The following CPA6 variants were observed in gnomAD, a reference collection of about 807,000 sequenced individuals.
The protein encoded by CPA6 is carboxypeptidase A6.
In CPA6, 58 loss-of-function variants were observed where a neutral mutation model predicts 63.3. The ratio of observed to expected loss-of-function variants is 0.92; its 90% CI spans 0.74 to 1.14. The LOEUF (loss-of-function observed/expected upper bound fraction) is 1.14. Among genes scored for constraint, CPA6 ranks in the 50% most tolerant of loss-of-function variants. CPA6 has a pLI of 0.00. For missense variants in CPA6, 565 were observed against 526.6 expected (o/e 1.07, Z -0.71); for synonymous variants, 185 against 179.0 (o/e 1.03, Z -0.27).
intron 8 of CPA6, among the ~76,000 whole-genome samples, chr8:67,437,558 G>T (rs1477818005): frequency 2.0e-5 from 3 of 152,172 alleles, no homozygotes; most frequent in Non-Finnish European, 4.4e-5. Context: ...ATGAGCCAGA[G>T]AAAACAAGAA....
intron 2 of CPA6, among the ~76,000 whole-genome samples, chr8:67,584,335 C>T (rs949346595): frequency 1.2e-4 from 18 of 152,088 alleles, no homozygotes; most frequent in African/African-American, 4.1e-4. Flanking sequence ...AATAGCCCTC[C>T]TATTCTTTGG....
chr8:67,454,875 A>G (rs1412610462), intron 8 of CPA6, among the ~76,000 whole-genome samples: 1 of 152,182 alleles, frequency 6.6e-6, no homozygotes, highest in East Asian at 1.9e-4. Context: ...CAAGACATGC[A>G]CACATGAGAA....
At chr8:67,493,677 T>C (rs977268793) in intron 6 of CPA6, among the ~76,000 whole-genome samples, 4 of 152,214 alleles carry the variant, frequency 2.6e-5, no homozygotes, top group African/African-American at 9.6e-5. Context: ...GGTTTTCCAA[T>C]AATCAAACTG....
chr8:67,667,772 G>A (rs1563384886), intron 1 of CPA6, among the ~76,000 whole-genome samples: 1 of 152,206 alleles, frequency 6.6e-6, no homozygotes, highest in Non-Finnish European at 1.5e-5. Context: ...ATGTGGCACA[G>A]TATAGAATAG....
rs187700778 is a variant in CPA6 at position 67,507,029 on chromosome 8, C to T, written c.535-141G>A. 7 of 570,698 alleles carry T rather than the reference C, an allele frequency of 1.2e-5. No individual in the cohort carries two copies. The East Asian group carries it at 1.7e-4, about 13-fold the overall frequency. The allele number at this position is 570,698 out of a possible 1,614,324, so 35.4% of individuals were successfully genotyped here. ...TAAAAAGGACAAAGGGAGTTCCTATCTATCTCGAAAGTCCAGGCTTCTTTA... is the reference window on the plus strand; with the variant it reads ...TAAAAAGGACAAAGGGAGTTCCTATTTATCTCGAAAGTCCAGGCTTCTTTA... On this transcript the variant is annotated intron_variant, in intron 5 of 10. Coordinates refer to ENST00000297770, the MANE Select transcript of CPA6 (RefSeq NM_020361.5).
At chr8:67,725,674 C>G (rs1817584053) in intron 1 of CPA6, among the ~76,000 whole-genome samples, 1 of 152,118 alleles carries the variant, frequency 6.6e-6, no homozygotes, top group South Asian at 2.1e-4. Flanking sequence ...ACTTGTGCCA[C>G]TGTGCCTGGG....
chr8:67,611,455 A>G (rs1348913781), intron 2 of CPA6, among the ~76,000 whole-genome samples: 3 of 152,104 alleles, frequency 2.0e-5, no homozygotes, highest in Non-Finnish European at 4.4e-5. Flanking sequence ...ACCTTATTTT[A>G]TCTTGTTAAT....
intron 2 of CPA6, among the ~76,000 whole-genome samples, chr8:67,525,873 G>T (rs1812351231): frequency 6.6e-6 from 1 of 152,206 alleles, no homozygotes; most frequent in African/African-American, 2.4e-5. Flanking sequence ...ACCCGCAAAA[G>T]CAGAGGGGTG....
intron 1 of CPA6, among the ~76,000 whole-genome samples, chr8:67,684,001 GTATATATATA>G (rs3056573): frequency 8.9e-4 from 104 of 116,974 alleles, no homozygotes; most frequent in Middle Eastern, 9.4e-3. Flanking sequence ...ATTTTAAAAT[GTATATATATA>G]TATATATATA....
At chr8:67,699,589 CT>C (rs532916921) in intron 1 of CPA6, among the ~76,000 whole-genome samples, 4,626 of 146,464 alleles carry the variant, frequency 0.032, 238 homozygotes, top group African/African-American at 0.11. Context: ...GTTTTTTCTT[CT>C]TTTTTTTTTT....
chr8:67,571,941 C>G (rs1364048697), intron 2 of CPA6, among the ~76,000 whole-genome samples: 1 of 151,538 alleles, frequency 6.6e-6, no homozygotes, highest in Non-Finnish European at 1.5e-5. Context: ...TTTAGCTAGA[C>G]TAACCAAGAA....
chr8:67,443,369 C>T (rs952220706), intron 8 of CPA6, among the ~76,000 whole-genome samples: 4 of 152,058 alleles, frequency 2.6e-5, no homozygotes, highest in Non-Finnish European at 5.9e-5. Context: ...CCCTGTCCTG[C>T]CTATTCTTGC....
chr8:67,491,223 G>GTT (rs11379483), intron 6 of CPA6, among the ~76,000 whole-genome samples: 1,699 of 125,362 alleles, frequency 0.014, 32 homozygotes, highest in African/African-American at 0.028. Flanking sequence ...TTACAGGGAA[G>GTT]TTTTTTTTTT....
chr8:67,635,860 G>C (rs1323514854), intron 1 of CPA6, among the ~76,000 whole-genome samples: 1 of 151,626 alleles, frequency 6.6e-6, no homozygotes, highest in Non-Finnish European at 1.5e-5. Flanking sequence ...TACTTCCAAA[G>C]ACCAAACTTA....
At chr8:67,663,748 C>A (rs1402937710) in intron 1 of CPA6, among the ~76,000 whole-genome samples, 1 of 152,110 alleles carries the variant, frequency 6.6e-6, no homozygotes, top group African/African-American at 2.4e-5. Context: ...GTATATGTAC[C>A]ACATTTTCTT....
At chr8:67,625,438 T>TG (rs1815174443) in intron 1 of CPA6, among the ~76,000 whole-genome samples, 1 of 152,218 alleles carries the variant, frequency 6.6e-6, no homozygotes, top group Non-Finnish European at 1.5e-5. Flanking sequence ...AGTTTCTCTT[T>TG]GGGGGCCTTG....
chr8:67,508,342 G>C (rs1183008450), intron 5 of CPA6, among the ~76,000 whole-genome samples: 1 of 152,088 alleles, frequency 6.6e-6, no homozygotes, highest in Non-Finnish European at 1.5e-5. Context: ...TCTGAATTGG[G>C]AGGAGAGGGA....
intron 2 of CPA6, among the ~76,000 whole-genome samples, chr8:67,617,557 T>C (rs577621493): frequency 9.8e-4 from 149 of 152,362 alleles, no homozygotes; most frequent in Non-Finnish European, 1.5e-3. Context: ...TTTTACCTTT[T>C]ATGAAGTATC....
intron 1 of CPA6, among the ~76,000 whole-genome samples, chr8:67,725,237 C>T (rs1817575050): frequency 6.6e-6 from 1 of 152,092 alleles, no homozygotes. Context: ...GTTTGTTTCC[C>T]TCGTGAAATT....
Sources: allele counts gnomAD v4.1 joint callset (sites outside exome capture counted in the v4.1 genomes callset), GRCh38; gene constraint gnomAD v4.1.1; transcripts MANE v1.5; gene names NCBI Gene and HGNC (gene_info 2026-07-23, HGNC 2026-07-21).